Variants in GALNT13 observed in about 807,000 individuals in gnomAD.
GALNT13 encodes the protein polypeptide N-acetylgalactosaminyltransferase 13, also known as UDP-GalNAc:polypeptide N-acetylgalactosaminyltransferase 13.
Under a neutral mutation model 64.2 loss-of-function variants are expected in GALNT13, and 28 were observed. The observed-to-expected ratio is 0.44, with a 90% CI of 0.32 to 0.60. The LOEUF is 0.60. Among genes scored for constraint, GALNT13 ranks in the 20% least tolerant of loss-of-function variants. GALNT13 has a pLI of 0.05. For synonymous variants in GALNT13, 214 were observed against 224.6 expected, an observed-to-expected ratio of 0.95 and a Z score of 0.42; for missense variants, 577 against 669.8, an observed-to-expected ratio of 0.86 and a Z score of 1.53.
the GALNT13 span, among the ~76,000 whole-genome samples, chr2:153,720,169 C>A: frequency 1.4e-5 from 2 of 146,376 alleles, no homozygotes; most frequent in East Asian, 4.1e-4. Flanking sequence ...CCCCGAGCAG[C>A]CTAACTGGGA....
the GALNT13 span, among the ~76,000 whole-genome samples, chr2:153,303,503 A>G: frequency 1.3e-5 from 2 of 152,184 alleles, 1 homozygote; most frequent in South Asian, 4.1e-4. Context: ...GTCTGCAAAC[A>G]GACAGTCAAC....
chr2:153,352,387 T>A, the GALNT13 span, among the ~76,000 whole-genome samples: 1 of 152,262 alleles, frequency 6.6e-6, no homozygotes, highest in East Asian at 1.9e-4. Context: ...TTTCCAAATA[T>A]TTTCTTCCAG....
intron 3 of GALNT13, among the ~76,000 whole-genome samples, chr2:153,967,001 C>G (rs1187574035): frequency 1.3e-5 from 2 of 151,992 alleles, no homozygotes; most frequent in Non-Finnish European, 2.9e-5. Flanking sequence ...TTGATCAATT[C>G]TGCTTTTGAG....
chr2:153,500,520 G>T, the GALNT13 span, among the ~76,000 whole-genome samples: 1 of 152,300 alleles, frequency 6.6e-6, no homozygotes, highest in South Asian at 2.1e-4. Flanking sequence ...GCGTTTGCAG[G>T]ATAATTGCCC....
chr2:153,712,935 A>G, the GALNT13 span, among the ~76,000 whole-genome samples: 1 of 152,180 alleles, frequency 6.6e-6, no homozygotes, highest in African/African-American at 2.4e-5. Flanking sequence ...GGGGAATATT[A>G]AATGAATGGA....
intron 3 of GALNT13, among the ~76,000 whole-genome samples, chr2:153,964,958 T>C (rs925749992): frequency 6.6e-6 from 1 of 152,148 alleles, no homozygotes; most frequent in African/African-American, 2.4e-5. Context: ...TCATGTAGAT[T>C]GCACCCAACA....
chr2:153,937,307 G>T (rs1016390984), intron 2 of GALNT13, among the ~76,000 whole-genome samples: 1 of 152,120 alleles, frequency 6.6e-6, no homozygotes, highest in Non-Finnish European at 1.5e-5. Context: ...GCAATAAAAA[G>T]AAATGAAGTA....
chr2:153,760,093 C>A, the GALNT13 span, among the ~76,000 whole-genome samples: 1 of 151,894 alleles, frequency 6.6e-6, no homozygotes, highest in African/African-American at 2.4e-5. Flanking sequence ...TCAAAGTAAT[C>A]TCTTATGATT....
chr2:153,787,116 T>A, the GALNT13 span, among the ~76,000 whole-genome samples: 1 of 152,158 alleles, frequency 6.6e-6, no homozygotes, highest in South Asian at 2.1e-4. Context: ...ACCCTGAGAT[T>A]ATACCAGAGA....
At chr2:154,246,316 T>C (rs946550592) in intron 7 of GALNT13, among the ~76,000 whole-genome samples, 2 of 152,122 alleles carry the variant, frequency 1.3e-5, no homozygotes, top group African/African-American at 4.8e-5. Flanking sequence ...CCTTAAAGTA[T>C]AGATTTATAA....
At chr2:153,082,660 C>CACACACACACAT in the GALNT13 span, among the ~76,000 whole-genome samples, 2 of 90,004 alleles carry the variant, frequency 2.2e-5, no homozygotes, top group African/African-American at 4.7e-5. Context: ...CACACACACA[C>CACACACACACAT]ACACATATAT....
At chr2:153,825,755 A>AT in the GALNT13 span, among the ~76,000 whole-genome samples, 1 of 152,040 alleles carries the variant, frequency 6.6e-6, no homozygotes, top group Non-Finnish European at 1.5e-5. Flanking sequence ...AACAGCCTAA[A>AT]AAACGACTAA....
At chr2:153,953,994 A>G (rs1692391359) in intron 3 of GALNT13, among the ~76,000 whole-genome samples, 1 of 152,118 alleles carries the variant, frequency 6.6e-6, no homozygotes, top group Admixed American at 6.6e-5. Flanking sequence ...CATGTTTGGC[A>G]AAAGGCTGTT....
In GALNT13 at chr2:154,242,132, G is replaced by T; in HGVS notation, c.414G>T (p.Val138=). The T allele has an allele frequency of 6.2e-7, 1 of 1,613,228 alleles. No homozygotes were observed. The stretch of plus-strand genomic sequence containing the variant: ...CTCTCCTTAGAACTGTTTACAGTGT[G>T]ATAAATCGTTCCCCACACTATCTAC... ...WSTLLRTVYS[V]INRSPHYLLS... The change falls in exon 5 of 13, where the codon GTG becomes GTT. Residue 138 remains valine (V), a synonymous_variant. Transcript: ENST00000392825.
At chr2:153,844,807 T>C in the GALNT13 span, among the ~76,000 whole-genome samples, 1 of 152,226 alleles carries the variant, frequency 6.6e-6, no homozygotes, top group Non-Finnish European at 1.5e-5. Flanking sequence ...GCTGCTTAGA[T>C]ATATTTTCCA....
intron 9 of GALNT13, among the ~76,000 whole-genome samples, chr2:154,305,136 T>A (rs1693660441): frequency 6.6e-6 from 1 of 152,212 alleles, no homozygotes; most frequent in African/African-American, 2.4e-5. Context: ...AAATCTATTA[T>A]TTTTATGACA....
chr2:153,672,767 G>T, the GALNT13 span, among the ~76,000 whole-genome samples: 1 of 131,552 alleles, frequency 7.6e-6, no homozygotes, highest in Non-Finnish European at 1.7e-5. Context: ...GAATCCAGGA[G>T]GTGTTTTTTT....
intron 9 of GALNT13, among the ~76,000 whole-genome samples, chr2:154,342,906 G>A (rs1695854247): frequency 6.6e-6 from 1 of 151,694 alleles, no homozygotes; most frequent in South Asian, 2.1e-4. Context: ...TTCTTATGGA[G>A]CTCACTGTTT....
chr2:153,372,216 C>A, the GALNT13 span, among the ~76,000 whole-genome samples: 2 of 152,134 alleles, frequency 1.3e-5, no homozygotes, highest in African/African-American at 4.8e-5. Context: ...TTTTACTTAA[C>A]CTCTTATGTT....
Sources: allele counts gnomAD v4.1 joint callset (sites outside exome capture counted in the v4.1 genomes callset), GRCh38; gene constraint gnomAD v4.1.1; transcripts MANE v1.5; gene names NCBI Gene and HGNC (gene_info 2026-07-23, HGNC 2026-07-21).